The following NRF1 variants were observed in gnomAD, a reference collection of about 807,000 sequenced individuals.
NRF1 encodes nuclear respiratory factor 1, also known as alpha palindromic-binding protein.
Under a neutral mutation model 58.5 loss-of-function variants are expected in NRF1, and 5 were observed. That is an observed-to-expected ratio of 0.09 (90% CI 0.04 to 0.18). NRF1 has a LOEUF of 0.18. Ranked by LOEUF, NRF1 falls within the 10% of genes least tolerant of loss-of-function variation. The probability of loss-of-function intolerance (pLI) is 1.00; values close to 1 mark genes in which losing one functional copy is unlikely to be tolerated. For missense variants in NRF1, 288 were observed against 657.7 expected (o/e 0.44, Z 6.15); for synonymous variants, 224 against 246.7 (o/e 0.91, Z 0.86).
intron 1 of NRF1, among the ~76,000 whole-genome samples, chr7:129,619,459 C>CTT (rs1554401510): frequency 1.6e-5 from 1 of 61,164 alleles, no homozygotes; most frequent in East Asian, 5.4e-4. Flanking sequence ...TATATATACA[C>CTT]GTGTGTGTGT....
chr7:129,611,769 G>T lies in NRF1; in HGVS notation c.-62G>T. 3.4e-6 allele frequency: 1 copy of T among 291,984 alleles called. No homozygotes were observed. The highest frequency in any genetic ancestry group is 6.3e-6 in the Non-Finnish European group (1 of 157,732). The allele number at this position is 291,984 out of a possible 1,614,324, so 18.1% of individuals were successfully genotyped here. A position where few individuals can be genotyped will look rare whatever the true frequency, so the allele number is the denominator to read the frequency against. ...CGCTGGTGGCAGGAGGCTGCGAGGA[G>T]CCGGCGCGGTCGCAGTCTCCACGGC... On this transcript the variant is annotated 5_prime_UTR_variant, in exon 1 of 11. Coordinates refer to ENST00000393232, the MANE Select transcript of NRF1 (RefSeq NM_005011.5).
intron 10 of NRF1, chr7:129,744,204 G>A: frequency 6.5e-7 from 1 of 1,543,752 alleles, no homozygotes; most frequent in Non-Finnish European, 8.7e-7. Flanking sequence ...CAGGTCGCAA[G>A]TGGATCCTGA....
rs1028209854 is a variant in NRF1, at chr7:129,745,514, C to G, written c.1349-9504C>G. On this transcript the variant is annotated intron_variant, in intron 10 of 10. Coordinates refer to ENST00000393232, the MANE Select transcript of NRF1 (RefSeq NM_005011.5). Reference sequence around the variant, plus strand: ...CCAAACCATCCCCCTCAACCCCCCCCCCATCCATGGAAATACTGTCTTCCA... The same window carrying G: ...CCAAACCATCCCCCTCAACCCCCCCGCCATCCATGGAAATACTGTCTTCCA... Among the ~76,000 whole-genome samples the G allele has an allele frequency of 5.3e-5, 8 of 149,600 alleles. 1 individual carries two copies. Among genetic ancestry groups the G allele is most frequent in the African/African-American group, 1.7e-4 (7 of 40,610 alleles).
In NRF1 at chr7:129,727,322, C is replaced by T. The variant is rs771703384; in HGVS notation, c.1305C>T (p.Thr435=). 9 of 1,609,242 alleles carry T rather than the reference C, an allele frequency of 5.6e-6. No individual in the cohort carries two copies. The highest frequency in any genetic ancestry group is 1.3e-5 in the African/African-American group (1 of 74,618). Residue 435 remains threonine, a synonymous_variant, in exon 10 of 11, where the codon ACC becomes ACT. Coordinates refer to ENST00000393232, the MANE Select transcript of NRF1 (RefSeq NM_005011.5). The stretch of plus-strand genomic sequence containing the variant: ...GACAGATCGTCTTGTCTGGGGAAAC[C>T]GCAGCAGCCGTCGGAGCACTTACTG... ...GGGQIVLSGE[T]AAAVGALTGV... is the part of the protein sequence containing the mutation.
At chr7:129,750,347 C>T (rs969418128) in intron 10 of NRF1, among the ~76,000 whole-genome samples, 2 of 152,186 alleles carry the variant, frequency 1.3e-5, no homozygotes, top group Non-Finnish European at 2.9e-5. Context: ...GGCAGCCGCC[C>T]GACTTAGGGC....
chr7:129,622,450 C>T (rs1301582354), intron 1 of NRF1, among the ~76,000 whole-genome samples: 2 of 151,916 alleles, frequency 1.3e-5, no homozygotes, highest in Non-Finnish European at 2.9e-5. Context: ...ATATATTTTT[C>T]TCTTAATGGA....
intron 10 of NRF1, among the ~76,000 whole-genome samples, chr7:129,737,351 G>A (rs999038232): frequency 6.6e-6 from 1 of 152,216 alleles, no homozygotes; most frequent in Non-Finnish European, 1.5e-5. Flanking sequence ...GCGGTCATGA[G>A]TGTGGCCTTT....
intron 9 of NRF1, among the ~76,000 whole-genome samples, chr7:129,722,671 T>C (rs1186913311): frequency 6.6e-6 from 1 of 152,128 alleles, no homozygotes; most frequent in African/African-American, 2.4e-5. Context: ...ATACCACATT[T>C]TAGAAAGAAG....
intron 1 of NRF1, among the ~76,000 whole-genome samples, chr7:129,652,871 C>T (rs566166965): frequency 1.4e-4 from 22 of 152,308 alleles, no homozygotes; most frequent in African/African-American, 5.3e-4. Flanking sequence ...GGATTACAGG[C>T]GTGAGCCACC....
At chr7:129,620,191 G>T (rs1265550996) in intron 1 of NRF1, among the ~76,000 whole-genome samples, 2 of 152,138 alleles carry the variant, frequency 1.3e-5, no homozygotes, top group African/African-American at 2.4e-5. Flanking sequence ...GGAAAGATAC[G>T]AGGAACTTCT....
intron 2 of NRF1, among the ~76,000 whole-genome samples, chr7:129,657,931 C>T (rs776714355): frequency 1.3e-5 from 2 of 152,094 alleles, no homozygotes; most frequent in Non-Finnish European, 2.9e-5. Flanking sequence ...CTTTTTTAAG[C>T]CTTGCAGTTA....
intron 2 of NRF1, among the ~76,000 whole-genome samples, chr7:129,666,997 A>G (rs1218666581): frequency 6.6e-6 from 1 of 152,206 alleles, no homozygotes; most frequent in Non-Finnish European, 1.5e-5. Flanking sequence ...TGCAAATTGT[A>G]TACTCTGTGA....
intron 10 of NRF1, among the ~76,000 whole-genome samples, chr7:129,754,218 C>T (rs1804191856): frequency 6.6e-6 from 1 of 151,512 alleles, no homozygotes; most frequent in Non-Finnish European, 1.5e-5. Flanking sequence ...CCCAGCTATT[C>T]AGGAGGCCAA....
At chr7:129,613,297 GT>G (rs1410368991) in intron 1 of NRF1, among the ~76,000 whole-genome samples, 2 of 152,156 alleles carry the variant, frequency 1.3e-5, no homozygotes, top group African/African-American at 4.8e-5. Flanking sequence ...TGCTGTTTGT[GT>G]GTGTGTGTGT....
intron 2 of NRF1, among the ~76,000 whole-genome samples, chr7:129,668,829 G>A (rs1281006543): frequency 6.6e-6 from 1 of 152,184 alleles, no homozygotes; most frequent in African/African-American, 2.4e-5. Flanking sequence ...AAAAAAAGAA[G>A]AATTCTAGGT....
intron 1 of NRF1, among the ~76,000 whole-genome samples, chr7:129,634,716 A>G (rs186288627): frequency 6.6e-6 from 1 of 152,310 alleles, no homozygotes; most frequent in African/African-American, 2.4e-5. Flanking sequence ...CAAGGAGTGC[A>G]GTTGTTGGAT....
At chr7:129,617,676 A>G (rs1453779086) in intron 1 of NRF1, among the ~76,000 whole-genome samples, 1 of 152,224 alleles carries the variant, frequency 6.6e-6, no homozygotes, top group Non-Finnish European at 1.5e-5. Flanking sequence ...TAGAGAACCA[A>G]AATAGAGCAA....
At chr7:129,693,252 T>C (rs1218456531) in intron 5 of NRF1, among the ~76,000 whole-genome samples, 1 of 152,244 alleles carries the variant, frequency 6.6e-6, no homozygotes, top group Non-Finnish European at 1.5e-5. Flanking sequence ...CTGACGCTGC[T>C]GCTCAGGGGT....
At chr7:129,634,576 T>C (rs1801129140) in intron 1 of NRF1, among the ~76,000 whole-genome samples, 1 of 152,358 alleles carries the variant, frequency 6.6e-6, no homozygotes, top group African/African-American at 2.4e-5. Flanking sequence ...ACAAGTTGTT[T>C]ATCATTCACA....
Sources: gnomAD v4.1 joint callset for allele counts (sites outside exome capture counted in the v4.1 genomes callset) on GRCh38, gnomAD v4.1.1 for gene constraint, MANE v1.5 for transcripts, NCBI Gene and HGNC (gene_info 2026-07-23, HGNC 2026-07-21) for gene names.